Variants in DEUP1 observed in about 807,000 individuals in gnomAD.
The protein encoded by DEUP1 is coiled-coil domain containing 67.
In DEUP1, 82 loss-of-function variants were observed where a neutral mutation model predicts 87.4. That is an observed-to-expected ratio of 0.94 (90% confidence interval 0.78 to 1.13). The LOEUF (loss-of-function observed/expected upper bound fraction) is 1.13. Ranked by LOEUF, DEUP1 falls within the 50% of genes most tolerant of loss-of-function variation. DEUP1 has a pLI of 0.00. For synonymous variants in DEUP1, 214 were observed against 222.7 expected (o/e 0.96, Z 0.35); for missense variants, 663 against 681.5 (o/e 0.97, Z 0.30).
intron 9 of DEUP1, among the ~76,000 whole-genome samples, chr11:93,392,100 T>C (rs534908478): frequency 6.6e-6 from 1 of 152,336 alleles, no homozygotes; most frequent in African/African-American, 2.4e-5. Context: ...TGATCACATT[T>C]GCCTCTGGAC....
intron 7 of DEUP1, among the ~76,000 whole-genome samples, chr11:93,377,418 A>G (rs1946089201): frequency 6.6e-6 from 1 of 151,936 alleles, no homozygotes; most frequent in Non-Finnish European, 1.5e-5. Context: ...GTTTTATCTG[A>G]TGTAAGAGTA....
intron 4 of DEUP1, among the ~76,000 whole-genome samples, chr11:93,358,425 A>T (rs946481833): frequency 6.6e-6 from 1 of 152,212 alleles, no homozygotes; most frequent in African/African-American, 2.4e-5. Context: ...ATGCTGTTTA[A>T]GCTAATGCTG....
At chr11:93,379,508 C>T (rs988699430) in intron 7 of DEUP1, among the ~76,000 whole-genome samples, 1 of 152,152 alleles carries the variant, frequency 6.6e-6, no homozygotes, top group Non-Finnish European at 1.5e-5. Flanking sequence ...TGCCTTAAGC[C>T]TATGCTTCTC....
At chr11:93,415,385 G>A (rs145461407) in intron 13 of DEUP1, among the ~76,000 whole-genome samples, 13 of 152,154 alleles carry the variant, frequency 8.5e-5, no homozygotes, top group African/African-American at 2.2e-4. Flanking sequence ...AAAAAAATGC[G>A]AGTGCTTGGG....
intron 13 of DEUP1, among the ~76,000 whole-genome samples, chr11:93,418,269 C>T (rs1206713797): frequency 6.6e-5 from 10 of 151,978 alleles, no homozygotes; most frequent in Admixed American, 2.6e-4. Flanking sequence ...AGAAAATTTT[C>T]GCAACCTACT....
chr11:93,371,476 C>T (rs1032007603), intron 7 of DEUP1, among the ~76,000 whole-genome samples, 196 bp downstream of exon 7: 23 of 152,064 alleles, frequency 1.5e-4, no homozygotes, highest in African/African-American at 1.9e-4. Context: ...ACTTAGAGTG[C>T]ACTTTGGTTC....
chr11:93,359,269 ACACTTTAC>A (rs1463238699), intron 4 of DEUP1, among the ~76,000 whole-genome samples: 1 of 152,200 alleles, frequency 6.6e-6, no homozygotes, highest in African/African-American at 2.4e-5. Flanking sequence ...TCTTAAGGAT[ACACTTTAC>A]CACACCCTGC....
intron 13 of DEUP1, among the ~76,000 whole-genome samples, chr11:93,427,474 T>G (rs1436320196): frequency 6.6e-6 from 1 of 151,934 alleles, no homozygotes; most frequent in Non-Finnish European, 1.5e-5. Context: ...AAAAATTAAT[T>G]CAAGATGGAT....
At chr11:93,404,858 A>G (rs1947221202) in intron 11 of DEUP1, among the ~76,000 whole-genome samples, 1 of 152,072 alleles carries the variant, frequency 6.6e-6, no homozygotes, top group Non-Finnish European at 1.5e-5. Context: ...GCATTTAAGA[A>G]AAATATTAAA....
intron 12 of DEUP1, among the ~76,000 whole-genome samples, chr11:93,413,048 A>G (rs527919742): frequency 9.1e-4 from 139 of 152,354 alleles, no homozygotes; most frequent in East Asian, 3.9e-4. Context: ...TTTGTATAAT[A>G]AGAAACAAGT....
chr11:93,357,100 G>A (rs748630425), intron 4 of DEUP1, 57 bp downstream of exon 4: 2 of 1,034,552 alleles, frequency 1.9e-6, no homozygotes, highest in South Asian at 1.5e-5. Context: ...TTTTTTACCT[G>A]TAGAGTTGTG....
At chr11:93,414,905 C>T in intron 12 of DEUP1, 95 bp from the exon 13 acceptor site, 2 of 585,698 alleles carry the variant, frequency 3.4e-6, no homozygotes, top group Non-Finnish European at 5.6e-6. Flanking sequence ...TTGTGCTTTC[C>T]CCCTACTTGG....
chr11:93,384,149 C>G (rs1331603681), intron 7 of DEUP1, among the ~76,000 whole-genome samples: 1 of 152,204 alleles, frequency 6.6e-6, no homozygotes, highest in Non-Finnish European at 1.5e-5. Context: ...CAAATGAGCA[C>G]TCAACACTGC....
intron 7 of DEUP1, among the ~76,000 whole-genome samples, chr11:93,374,689 A>G (rs1407873914): frequency 6.6e-6 from 1 of 152,152 alleles, no homozygotes; most frequent in African/African-American, 2.4e-5. Context: ...ATAGCATTAT[A>G]GTATAGGGTA....
chr11:93,413,406 TAATTTTTTTGTATTTTTA>T (rs1947505963), intron 12 of DEUP1, among the ~76,000 whole-genome samples: 1 of 152,134 alleles, frequency 6.6e-6, no homozygotes, highest in African/African-American at 2.4e-5. Flanking sequence ...CACGCCAGGC[TAATTTTTTTGTATTTTTA>T]GTAGCGACGG....
intron 7 of DEUP1, among the ~76,000 whole-genome samples, chr11:93,373,435 C>T (rs1945837667): frequency 6.6e-6 from 1 of 151,794 alleles, no homozygotes; most frequent in Non-Finnish European, 1.5e-5. Context: ...TGAGTGAGAA[C>T]GTAAGTAGGA....
intron 2 of DEUP1, among the ~76,000 whole-genome samples, chr11:93,348,111 A>C (rs1944449452): frequency 6.6e-6 from 1 of 151,850 alleles, no homozygotes; most frequent in Non-Finnish European, 1.5e-5. Flanking sequence ...TTTCTCCTAG[A>C]TTTTCTAGTT....
intron 7 of DEUP1, among the ~76,000 whole-genome samples, chr11:93,381,157 A>G (rs1946288373): frequency 6.6e-6 from 1 of 152,190 alleles, no homozygotes; most frequent in African/African-American, 2.4e-5. Flanking sequence ...TCAATTATTT[A>G]TATTTGATAG....
chr11:93,376,184 T>G (rs1269086547), intron 7 of DEUP1, among the ~76,000 whole-genome samples: 1 of 152,160 alleles, frequency 6.6e-6, no homozygotes, highest in Non-Finnish European at 1.5e-5. Flanking sequence ...GCTCAAATGA[T>G]CTGCCCGCCT....
Sources: allele counts gnomAD v4.1 joint callset (sites outside exome capture counted in the v4.1 genomes callset), GRCh38; gene constraint gnomAD v4.1.1; transcripts MANE v1.5; gene names NCBI Gene and HGNC (gene_info 2026-07-23, HGNC 2026-07-21).